The following PRRC2B variants were observed in gnomAD, a reference collection of about 807,000 sequenced individuals.
PRRC2B encodes the protein proline rich coiled-coil 2B.
In PRRC2B, 68 loss-of-function variants were observed where a neutral mutation model predicts 242.3. The observed-to-expected ratio is 0.28, with a 90% CI of 0.23 to 0.34. The LOEUF is 0.34. Among genes scored for constraint, PRRC2B ranks in the 10% least tolerant of loss-of-function variants. PRRC2B has a pLI of 1.00. For missense variants in PRRC2B, 2,835 were observed against 2,954.8 expected (o/e 0.96, Z 0.94); for synonymous variants, 1,228 against 1,173.6 (o/e 1.05, Z -0.95).
chr9:131,459,488 G>A (rs1943180141), intron 11 of PRRC2B, 132 bp downstream of exon 11: 3 of 840,688 alleles, frequency 3.6e-6, no homozygotes. Flanking sequence ...TTTTTTCATA[G>A]AGACAGGGTC....
At chr9:131,465,758 CTCTT>C (rs1353274276) in intron 12 of PRRC2B, among the ~76,000 whole-genome samples, 2 of 151,892 alleles carry the variant, frequency 1.3e-5, no homozygotes, top group African/African-American at 2.4e-5. Flanking sequence ...GAAATGGAGT[CTCTT>C]TCTGTCACCC....
At position 131,479,187 on chromosome 9, in the gene PRRC2B, T is replaced by C. The variant is rs372706001; in HGVS notation, c.4759-65T>C. Reference sequence around the variant, plus strand: ...TGATTTTTGGTACCTGGGATACTTATCCTGGGGAGAATTTGTCAGTCTTGG... The same window carrying C: ...TGATTTTTGGTACCTGGGATACTTACCCTGGGGAGAATTTGTCAGTCTTGG... On this transcript the variant is annotated intron_variant, in intron 18 of 31. Transcript: ENST00000683519. 1.7e-5 allele frequency: 27 copies of C among 1,546,308 alleles called. No individual in the cohort carries two copies. In the East Asian group the frequency reaches 4.1e-4, roughly 23 times the overall value.
At position 131,475,457 on chromosome 9, in the gene PRRC2B, C is replaced by A; in HGVS notation, c.3328C>A (p.Arg1110=). The A allele has an allele frequency of 5.0e-6, 8 of 1,584,402 alleles. No homozygotes were observed. Among genetic ancestry groups the A allele is most frequent in the South Asian group, 1.1e-5 (1 of 88,046 alleles). Reference sequence around the variant, plus strand: ...CAGCAGTCAGCGCAGCGGCCGTGGCCGGGGCCTGCGAGAGTTTGCGCGGCC... The same window carrying A: ...CAGCAGTCAGCGCAGCGGCCGTGGCAGGGGCCTGCGAGAGTTTGCGCGGCC... ...YCSSQRSGRG[R]GLREFARPED... Residue 1110 remains arginine, a synonymous_variant, in exon 16 of 32, where the codon CGG becomes AGG. Transcript: ENST00000683519.
chr9:131,435,613 T>TAAAAAAAAAAAA (rs66831387), intron 3 of PRRC2B, among the ~76,000 whole-genome samples: 1 of 147,012 alleles, frequency 6.8e-6, no homozygotes, highest in African/African-American at 2.6e-5. Flanking sequence ...AGACTCCATC[T>TAAAAAAAAAAAA]AAAAAAAAAA....
intron 1 of PRRC2B, among the ~76,000 whole-genome samples, chr9:131,425,645 G>A (rs545665378): frequency 3.2e-4 from 48 of 151,026 alleles, no homozygotes; most frequent in Non-Finnish European, 6.3e-4. Context: ...CTGCCACCAC[G>A]CCAGGCTCAT....
intron 11 of PRRC2B, among the ~76,000 whole-genome samples, chr9:131,462,466 G>T (rs1943267683): frequency 6.6e-6 from 1 of 151,680 alleles, no homozygotes; most frequent in Admixed American, 6.6e-5. Context: ...ACCTACCTCG[G>T]CCTCCCAAAG....
intron 2 of PRRC2B, among the ~76,000 whole-genome samples, chr9:131,431,933 T>A (rs919584550): frequency 6.6e-6 from 1 of 151,920 alleles, no homozygotes; most frequent in African/African-American, 2.4e-5. Flanking sequence ...ATTTATTTAT[T>A]TAGAGACTGG....
At chr9:131,478,677 G>A in intron 18 of PRRC2B, 58 bp downstream of exon 18, 1 of 1,299,024 alleles carries the variant, frequency 7.7e-7, no homozygotes, top group Non-Finnish European at 1.1e-6. Flanking sequence ...AGATGCCCAG[G>A]AAACCCAGAG....
At chr9:131,409,242 G>A (rs527945112) in intron 1 of PRRC2B, among the ~76,000 whole-genome samples, 145 of 152,012 alleles carry the variant, frequency 9.5e-4, no homozygotes, top group African/African-American at 3.4e-3. Context: ...GGCTGGTCTC[G>A]AACTCCCGAC....
chr9:131,487,905 C>T lies in PRRC2B; in HGVS notation c.6034C>T (p.Leu2012Phe), dbSNP rs772910982. 6 of 1,613,694 alleles carry T rather than the reference C, an allele frequency of 3.7e-6. No individual in the cohort carries two copies. In the African/African-American group the frequency reaches 8.0e-5, roughly 22 times the overall value. ...CCTGTCACCGCCCAGCACCATGATC[C>T]TCTCTGGGGGCACAGCCTTGAAGCC... Reference protein sequence around the residue: ...PSLSPPSTMILSGGTALKPPY... With the variant: ...PSLSPPSTMIFSGGTALKPPY... Residue 2012 changes from leucine to phenylalanine, a missense_variant, in exon 28 of 32, where the codon CTC becomes TTC. Coordinates refer to ENST00000683519, the MANE Select transcript of PRRC2B (RefSeq NM_013318.4). The surrounding 1 kb of genome is among the most constrained non-coding windows in gnomAD (Gnocchi z 5.3).
chr9:131,486,602 G>T, intron 26 of PRRC2B: 1 of 919,432 alleles, frequency 1.1e-6, no homozygotes, highest in Non-Finnish European at 1.3e-6. Context: ...TTTCTGTGCT[G>T]CCAAGGGGTG....
intron 1 of PRRC2B, among the ~76,000 whole-genome samples, chr9:131,403,950 C>G (rs1185758740): frequency 6.7e-6 from 1 of 150,150 alleles, no homozygotes; most frequent in Non-Finnish European, 1.5e-5. Flanking sequence ...CTTTTTTTTT[C>G]TTCCTTAGGG....
chr9:131,400,189 T>C lies in PRRC2B; in HGVS notation c.-52+5926T>C, dbSNP rs555570388. ...ACCTCTGCATCCTGGGCTCAAATGATCCTTCTGCCTTAGCCTCCCAAGTAG... is the reference window on the plus strand; with the variant it reads ...ACCTCTGCATCCTGGGCTCAAATGACCCTTCTGCCTTAGCCTCCCAAGTAG... On this transcript the variant is annotated intron_variant, in intron 1 of 31. Coordinates refer to ENST00000683519, the MANE Select transcript of PRRC2B (RefSeq NM_013318.4). Among the ~76,000 whole-genome samples the C allele has an allele frequency of 3.5e-3, 530 of 152,298 alleles. 3 individuals carry two copies. The highest frequency in any genetic ancestry group is 0.012 in the African/African-American group (493 of 41,564).
chr9:131,451,556 A>C (rs1942919823), intron 9 of PRRC2B, among the ~76,000 whole-genome samples: 1 of 152,182 alleles, frequency 6.6e-6, no homozygotes, highest in Non-Finnish European at 1.5e-5. Flanking sequence ...TGTCTTTTTC[A>C]GATTACGTGC....
In PRRC2B at chr9:131,477,914, G is replaced by C. The variant is rs772086412; in HGVS notation, c.4577G>C (p.Gly1526Ala). ...KLAAPRAGEQ[G>A]EAMKQFDLNY... ...GCTGCTCCGAGGGCAGGTGAACAGG[G>C]AGAGGCCATGAAACAGTTTGACCTG... The change falls in exon 17 of 32, where the codon GGA (glycine) becomes GCA (alanine). Residue 1526 changes from glycine (G) to alanine (A), a missense_variant. Transcript: ENST00000683519. The C allele has an allele frequency of 6.2e-5, 100 of 1,613,920 alleles. 1 individual carries two copies. The highest frequency in any genetic ancestry group is 8.1e-5 in the Non-Finnish European group (96 of 1,179,896).
intron 1 of PRRC2B, among the ~76,000 whole-genome samples, chr9:131,377,875 C>G (rs1485114625): frequency 6.6e-6 from 1 of 152,166 alleles, no homozygotes; most frequent in Non-Finnish European, 1.5e-5. Context: ...CCTGCCTTAG[C>G]CTCCTGAGTA....
rs1306452279 is a variant in PRRC2B at position 131,472,472 on chromosome 9, T to A, written c.2108-1036T>A. Among the ~76,000 whole-genome samples the A allele has an allele frequency of 1.6e-3, 125 of 76,898 alleles. 1 individual carries two copies. Among genetic ancestry groups the A allele is most frequent in the African/African-American group, 6.9e-3 (120 of 17,274 alleles). 50.4% of individuals were successfully genotyped at this position (76,898 alleles called of 152,430 possible). The stretch of plus-strand genomic sequence containing the variant: ...GGCGCCCACCACCACGCCCAGCTAA[T>A]TTTTTTTTTTTTTTTTTTTTTTGAG... On this transcript the variant is annotated intron_variant, in intron 14 of 31. Coordinates refer to ENST00000683519, the MANE Select transcript of PRRC2B (RefSeq NM_013318.4).
intron 25 of PRRC2B, among the ~76,000 whole-genome samples, 178 bp from the exon 26 acceptor site, chr9:131,485,907 G>A (rs553243562): frequency 2.0e-5 from 3 of 152,278 alleles, no homozygotes; most frequent in Admixed American, 6.5e-5. Context: ...CGTGCCAGGC[G>A]TGTTGTGAGC....
chr9:131,486,612 G>A (rs950204272), intron 26 of PRRC2B: 13 of 906,376 alleles, frequency 1.4e-5, no homozygotes, highest in African/African-American at 5.4e-5. Flanking sequence ...GCCAAGGGGT[G>A]ATTTTTGGAA....
Sources: allele counts gnomAD v4.1 joint callset (sites outside exome capture counted in the v4.1 genomes callset), GRCh38; gene constraint gnomAD v4.1.1; non-coding constraint Gnocchi (gnomAD v3.1); transcripts MANE v1.5; gene names NCBI Gene and HGNC (gene_info 2026-07-23, HGNC 2026-07-21).